PARP6: variants seen among roughly 807,000 people sequenced by gnomAD.
The protein encoded by PARP6 is protein mono-ADP-ribosyltransferase PARP6.
Under a neutral mutation model 92.0 loss-of-function variants are expected in PARP6, and 27 were observed. That is an observed-to-expected ratio of 0.29 (90% CI 0.22 to 0.40). The LOEUF (loss-of-function observed/expected upper bound fraction) is 0.40, where lower values mean the gene tolerates loss of function less well. Among genes scored for constraint, PARP6 ranks in the 10% least tolerant of loss-of-function variants. PARP6 has a pLI of 1.00. For missense variants in PARP6, 501 were observed against 784.5 expected (o/e 0.64, Z 4.32); for synonymous variants, 272 against 281.2 (o/e 0.97, Z 0.33).
chr15:72,267,282 T>C (rs561249818), intron 3 of PARP6, 193 bp downstream of exon 3: 14 of 628,204 alleles, frequency 2.2e-5, no homozygotes, highest in Non-Finnish European at 3.5e-5. Context: ...CTCCTCTCCC[T>C]CCCCAAGAAA....
At chr15:72,263,744 G>A (rs1356002247) in intron 8 of PARP6, among the ~76,000 whole-genome samples, 1 of 152,172 alleles carries the variant, frequency 6.6e-6, no homozygotes, top group Non-Finnish European at 1.5e-5. Context: ...ATCATTGGCT[G>A]GGTGCGGTGG....
chr15:72,241,329 C>T lies in PARP6; in HGVS notation c.*126G>A, dbSNP rs937373574. ...ACCATGAAGGCCACCTCTTACATAT[C>T]CTTTTCCTGCCCCTTGGTAATGGCC... On this transcript the variant is annotated 3_prime_UTR_variant, in exon 24 of 24. Transcript: ENST00000569795. The surrounding 1 kb of genome is among the most constrained non-coding windows in gnomAD (Gnocchi z 4.1). 1 of 733,788 alleles carries T rather than the reference C, an allele frequency of 1.4e-6. No homozygotes were observed. Among genetic ancestry groups the T allele is most frequent in the Admixed American group, 2.0e-5 (1 of 50,044 alleles). 45.5% of individuals were successfully genotyped at this position (733,788 alleles called of 1,614,324 possible).
chr15:72,259,692 ACCT>A (rs1236176256), intron 10 of PARP6, 31 bp from the exon 11 acceptor site: 5 of 1,606,300 alleles, frequency 3.1e-6, no homozygotes, highest in Middle Eastern at 3.3e-4. Flanking sequence ...GACCCCGTGA[ACCT>A]CCTATGAAGC....
rs562855963 is a variant in PARP6, at chr15:72,257,079, C to T, written c.999+269G>A. 2.0e-3 allele frequency among the ~76,000 whole-genome samples: 300 copies of T among 152,210 alleles called. 2 individuals carry two copies. Among genetic ancestry groups the T allele is most frequent in the Middle Eastern group, 0.014 (4 of 294 alleles). ...TACATGGACAATTTTACTACATATGCTGTTGTATTTGCTTTTTTATATGAC... is the reference window on the plus strand; with the variant it reads ...TACATGGACAATTTTACTACATATGTTGTTGTATTTGCTTTTTTATATGAC... On this transcript the variant is annotated intron_variant, in intron 13 of 23. Transcript: ENST00000569795.
At chr15:72,259,387 G>C (rs970986669) in intron 11 of PARP6, among the ~76,000 whole-genome samples, 1 of 152,164 alleles carries the variant, frequency 6.6e-6, no homozygotes, top group African/African-American at 2.4e-5. Flanking sequence ...CTTAAAATTG[G>C]CGGTGCCTCA....
At chr15:72,263,275 A>C (rs2086135414) in intron 8 of PARP6, among the ~76,000 whole-genome samples, 1 of 152,138 alleles carries the variant, frequency 6.6e-6, no homozygotes, top group Admixed American at 6.6e-5. Context: ...TTCAAGTCTT[A>C]TTGATTTTAT....
chr15:72,265,479 G>C lies in PARP6; in HGVS notation c.177-6C>G. The C allele has an allele frequency of 1.2e-6, 2 of 1,608,960 alleles. No individual in the cohort carries two copies. The highest frequency in any genetic ancestry group is 1.7e-6 in the Non-Finnish European group (2 of 1,175,310). On this transcript the variant is annotated splice_region_variant and splice_polypyrimidine_tract_variant and intron_variant, in intron 5 of 23. Coordinates refer to ENST00000569795, the MANE Select transcript of PARP6 (RefSeq NM_001323532.2). Reference sequence around the variant, plus strand: ...CATCGATAGTTCCATATTCTCTATAGAGATACAGGTGACAACAGGTGAGAC... The same window carrying C: ...CATCGATAGTTCCATATTCTCTATACAGATACAGGTGACAACAGGTGAGAC...
chr15:72,270,592 C>T (rs368063694), intron 2 of PARP6, among the ~76,000 whole-genome samples: 7 of 152,142 alleles, frequency 4.6e-5, no homozygotes, highest in South Asian at 2.1e-4. Context: ...AGCATATTCC[C>T]GCCATAGAGC....
Position 72,267,604 on chromosome 15 carries a change from G to T in PARP6, c.-127C>A. On this transcript the variant is annotated 5_prime_UTR_variant, in exon 3 of 24. Transcript: ENST00000569795. ...AAAGGGAGACAAGGTAGGGCACGAT[G>T]TCAGGGACAACTGGTGATCTGTTGG... The T allele has an allele frequency of 2.1e-6, 2 of 957,696 alleles. No individual in the cohort carries two copies. The highest frequency in any genetic ancestry group is 3.4e-6 in the Non-Finnish European group (2 of 593,508). 59.3% of individuals were successfully genotyped at this position (957,696 alleles called of 1,614,324 possible).
intron 11 of PARP6, 108 bp downstream of exon 11, chr15:72,259,500 A>G: frequency 1.2e-6 from 1 of 863,134 alleles, no homozygotes; most frequent in Non-Finnish European, 1.9e-6. Flanking sequence ...TAGTTCTGGA[A>G]GCAAAGCAAT....
intron 7 of PARP6, among the ~76,000 whole-genome samples, 162 bp downstream of exon 7, chr15:72,264,917 CAG>C (rs1213250514): frequency 2.0e-5 from 3 of 152,164 alleles, no homozygotes; most frequent in Non-Finnish European, 2.9e-5. Flanking sequence ...TATTAGGTGA[CAG>C]GGGATGAAGA....
intron 2 of PARP6, among the ~76,000 whole-genome samples, chr15:72,269,826 G>C (rs1277878976): frequency 2.0e-5 from 3 of 150,490 alleles, no homozygotes; most frequent in African/African-American, 7.4e-5. Flanking sequence ...TTGACCTACG[G>C]AGGCAGAGGT....
At chr15:72,272,080 A>G (rs1419635572) in intron 1 of PARP6, among the ~76,000 whole-genome samples, 3 of 152,208 alleles carry the variant, frequency 2.0e-5, no homozygotes, top group Non-Finnish European at 4.4e-5. Flanking sequence ...AACAAAGACT[A>G]CTAGGAAGAA....
intron 20 of PARP6, chr15:72,244,844 C>T (rs1456684420): frequency 6.6e-6 from 1 of 152,516 alleles, no homozygotes; most frequent in Admixed American, 6.5e-5. Flanking sequence ...CTGATAAAGA[C>T]ATACCCAAGA....
chr15:72,270,738 C>T (rs1322773556), intron 2 of PARP6, among the ~76,000 whole-genome samples: 1 of 152,176 alleles, frequency 6.6e-6, no homozygotes, highest in Non-Finnish European at 1.5e-5. Context: ...CAACTCAACA[C>T]CCACACACTA....
chr15:72,243,803 T>C (rs1567158651), intron 20 of PARP6: 2 of 152,190 alleles, frequency 1.3e-5, no homozygotes, highest in African/African-American at 2.4e-5. Flanking sequence ...GAGATGAAGA[T>C]GGAGATGATG....
At chr15:72,270,218 G>A (rs961145709) in intron 2 of PARP6, among the ~76,000 whole-genome samples, 49 of 152,130 alleles carry the variant, frequency 3.2e-4, no homozygotes, top group African/African-American at 1.2e-3. Flanking sequence ...TCTTAGAGAT[G>A]GAATGACCCG....
At chr15:72,255,797 T>C (rs1241129687) in intron 14 of PARP6, among the ~76,000 whole-genome samples, 3 of 100,826 alleles carry the variant, frequency 3.0e-5, no homozygotes, top group Admixed American at 1.0e-4. Context: ...TTTTTTTTTT[T>C]TTTTTTTTTT....
intron 16 of PARP6, among the ~76,000 whole-genome samples, chr15:72,251,833 AAC>A (rs904479614): frequency 2.6e-5 from 4 of 152,256 alleles, no homozygotes; most frequent in African/African-American, 9.6e-5. Flanking sequence ...ATACAGGCTG[AAC>A]ACAGAAGATA....
Sources: gnomAD v4.1 joint callset for allele counts (sites outside exome capture counted in the v4.1 genomes callset) on GRCh38, gnomAD v4.1.1 for gene constraint, Gnocchi (gnomAD v3.1) non-coding constraint, MANE v1.5 for transcripts, NCBI Gene and HGNC (gene_info 2026-07-23, HGNC 2026-07-21) for gene names.